The following PLEKHA7 variants were observed in gnomAD, a reference collection of about 807,000 sequenced individuals.
The protein encoded by PLEKHA7 is pleckstrin homology domain-containing family A member 7.
PLEKHA7 carries 104 observed loss-of-function variants against 170.0 expected under a neutral mutation model. The observed-to-expected ratio is 0.61, with a 90% confidence interval of 0.52 to 0.72. The LOEUF (loss-of-function observed/expected upper bound fraction) is 0.72, where lower values mean the gene tolerates loss of function less well. Ranked by LOEUF, PLEKHA7 falls within the 30% of genes least tolerant of loss-of-function variation. The pLI, the probability that PLEKHA7 is intolerant of heterozygous loss-of-function variation, is 0.00. For missense variants in PLEKHA7, 1,615 were observed against 1,671.7 expected (o/e 0.97, Z 0.59); for synonymous variants, 648 against 660.8 (o/e 0.98, Z 0.30).
Position 16,851,221 on chromosome 11 carries a change from C to A in PLEKHA7, c.666G>T (p.Glu222Asp), listed in dbSNP as rs1852920270. 1 of 1,610,942 alleles carries A rather than the reference C, an allele frequency of 6.2e-7. No homozygotes were observed. Among genetic ancestry groups the A allele is most frequent in the Non-Finnish European group, 8.5e-7 (1 of 1,178,512 alleles). ...PSYVISPVAP[E>D]DRISRKYSFK... ...AGGAATATTTGCGGCTTATGCGATC[C>A]TCAGGGGCCACAGGAGAGATCACGT... is the stretch of plus-strand genomic sequence containing the variant. Residue 222 changes from glutamate to aspartate, a missense_variant, in exon 8 of 27, where the codon GAG becomes GAT. Physicochemically the swap from Glu to Asp is conservative, Grantham distance 45. Transcript: ENST00000531066.
intron 4 of PLEKHA7, among the ~76,000 whole-genome samples, chr11:16,856,707 C>T (rs1203743767): frequency 6.6e-6 from 1 of 152,220 alleles, no homozygotes; most frequent in East Asian, 1.9e-4. Flanking sequence ...TTCCACAGAT[C>T]CCCAGCATTT....
intron 3 of PLEKHA7, among the ~76,000 whole-genome samples, chr11:16,880,413 T>A (rs552234008): frequency 6.6e-6 from 1 of 152,358 alleles, no homozygotes; most frequent in East Asian, 1.9e-4. Flanking sequence ...AGAACACTGA[T>A]AACATCCCAG....
intron 3 of PLEKHA7, among the ~76,000 whole-genome samples, chr11:16,885,324 C>G (rs1195053716): frequency 1.4e-5 from 2 of 142,368 alleles, no homozygotes; most frequent in East Asian, 4.0e-4. Flanking sequence ...AGTGAGACTC[C>G]ATCTCAAAAA....
At chr11:16,913,712 A>T (rs576760386) in intron 3 of PLEKHA7, among the ~76,000 whole-genome samples, 65 of 152,240 alleles carry the variant, frequency 4.3e-4, no homozygotes, top group Admixed American at 9.2e-4. Context: ...GCAAACCACA[A>T]GAGGCTGATT....
At chr11:16,823,682 G>A (rs890255367) in intron 10 of PLEKHA7, among the ~76,000 whole-genome samples, 1 of 152,052 alleles carries the variant, frequency 6.6e-6, no homozygotes, top group African/African-American at 2.4e-5. Flanking sequence ...CTCCACCCAT[G>A]TCCAGAACTC....
chr11:16,883,994 T>A (rs921982861), intron 3 of PLEKHA7, among the ~76,000 whole-genome samples: 6 of 143,736 alleles, frequency 4.2e-5, no homozygotes, highest in African/African-American at 1.2e-4. Flanking sequence ...AAATTTTATA[T>A]ATATATCTTT....
rs543657486 is a variant in PLEKHA7 at position 16,789,837 on chromosome 11, T to C, written c.3094A>G (p.Ile1032Val). 9.3e-6 allele frequency: 15 copies of C among 1,614,112 alleles called. No individual in the cohort carries two copies. The highest frequency in any genetic ancestry group is 8.8e-5 in the South Asian group (8 of 91,082). ...CTCCGGAGTGTGACGTAGGGAGCAA[T>C]GGTGGACGACTGCTGGAGCCTTGAC... Reference protein sequence around the residue: ...STSRLQQSSTIAPYVTLRRGL... With the variant: ...STSRLQQSSTVAPYVTLRRGL... Residue 1032 changes from isoleucine (I) to valine (V), a missense_variant, in exon 22 of 27, where the codon ATT becomes GTT. By Grantham distance (29) the Ile-to-Val change is conservative. Coordinates refer to ENST00000531066, the MANE Select transcript of PLEKHA7 (RefSeq NM_001329630.2). The surrounding 1 kb of genome is among the most constrained non-coding windows in gnomAD (Gnocchi z 4.6).
intron 24 of PLEKHA7, among the ~76,000 whole-genome samples, chr11:16,784,157 CT>C (rs1343664656): frequency 6.6e-6 from 1 of 152,220 alleles, no homozygotes; most frequent in Non-Finnish European, 1.5e-5. Context: ...GATCTGACCC[CT>C]GATGACCTCT....
At chr11:16,996,530 G>A (rs1246660179) in intron 3 of PLEKHA7, among the ~76,000 whole-genome samples, 1 of 152,192 alleles carries the variant, frequency 6.6e-6, no homozygotes, top group Non-Finnish European at 1.5e-5. Flanking sequence ...CAGGTACACA[G>A]GGATGGGAGA....
At position 16,798,013 on chromosome 11, in the gene PLEKHA7, C is replaced by G. The variant is rs567646464; in HGVS notation, c.2409+2961G>C. On this transcript the variant is annotated intron_variant, in intron 17 of 26. Transcript: ENST00000531066. ...GGAAATGAGGGGGTGGAGTTTCATT[C>G]CTGCCTCCTCCCACCACACTGGGTA... is the stretch of plus-strand genomic sequence containing the variant. Among the ~76,000 whole-genome samples, 4 of 152,322 alleles carry G rather than the reference C, an allele frequency of 2.6e-5. No homozygotes were observed. In the East Asian group the frequency reaches 7.7e-4, roughly 29 times the overall value.
chr11:16,848,920 G>C (rs7103382), intron 8 of PLEKHA7, among the ~76,000 whole-genome samples: 8,861 of 152,158 alleles, frequency 0.058, 827 homozygotes, highest in African/African-American at 0.2. Flanking sequence ...GTATTCCTTG[G>C]TATGCCCAAG....
At chr11:16,907,410 CA>C in intron 3 of PLEKHA7, among the ~76,000 whole-genome samples, 1 of 130,544 alleles carries the variant, frequency 7.7e-6, no homozygotes, top group African/African-American at 2.9e-5. Flanking sequence ...CCCGCCCGGC[CA>C]GCCGCCCCGT....
rs779811993 is a variant in PLEKHA7, at chr11:16,789,067, G to A, written c.3357+29C>T. 6.3e-7 allele frequency: 1 copy of A among 1,591,490 alleles called. No individual in the cohort carries two copies. On this transcript the variant is annotated intron_variant, in intron 23 of 26. Coordinates refer to ENST00000531066, the MANE Select transcript of PLEKHA7 (RefSeq NM_001329630.2). This position sits in a 1 kb window ranked among gnomAD's most constrained non-coding sequence, Gnocchi z 4.6. ...GAGGGGCACTCGGCTCCCTGTCCCTGCCCCGCTGCCTGGCCCCTCCTAACA... is the reference window on the plus strand; with the variant it reads ...GAGGGGCACTCGGCTCCCTGTCCCTACCCCGCTGCCTGGCCCCTCCTAACA...
At chr11:17,001,657 G>A (rs368067056) in intron 3 of PLEKHA7, among the ~76,000 whole-genome samples, 1 of 151,942 alleles carries the variant, frequency 6.6e-6, no homozygotes, top group Admixed American at 6.6e-5. Flanking sequence ...AGGAAGTCAC[G>A]AGAGGTAGCC....
At chr11:16,798,441 G>A (rs1029904261) in intron 17 of PLEKHA7, among the ~76,000 whole-genome samples, 1 of 151,740 alleles carries the variant, frequency 6.6e-6, no homozygotes, top group East Asian at 1.9e-4. Flanking sequence ...CTGTCACAGT[G>A]TATCTATTTG....
chr11:16,789,221 C>T lies in PLEKHA7; in HGVS notation c.3232G>A (p.Glu1078Lys), dbSNP rs749263365. 1 of 1,613,720 alleles carries T rather than the reference C, an allele frequency of 6.2e-7. No individual in the cohort carries two copies. Among genetic ancestry groups the T allele is most frequent in the South Asian group, 1.1e-5 (1 of 91,080 alleles). Residue 1078 changes from glutamate (E) to lysine (K), a missense_variant, in exon 23 of 27, where the codon GAG becomes AAG. Coordinates refer to ENST00000531066, the MANE Select transcript of PLEKHA7 (RefSeq NM_001329630.2). The surrounding 1 kb of genome is among the most constrained non-coding windows in gnomAD (Gnocchi z 4.6). ...RGKMSAEEQL[E>K]RMKRHQKALV... is the part of the protein sequence containing the mutation. ...GCCTTCTGGTGTCGCTTCATGCGCT[C>T]CAGCTGCTCCTCTGCACTCATCTTG...
At chr11:16,823,584 C>T (rs1466251462) in intron 10 of PLEKHA7, among the ~76,000 whole-genome samples, 1 of 152,208 alleles carries the variant, frequency 6.6e-6, no homozygotes, top group Non-Finnish European at 1.5e-5. Flanking sequence ...CTTTCCTCGC[C>T]AAGCTCATGT....
chr11:16,967,298 T>C (rs911320195), intron 3 of PLEKHA7, among the ~76,000 whole-genome samples: 3 of 152,170 alleles, frequency 2.0e-5, no homozygotes, highest in Non-Finnish European at 4.4e-5. Flanking sequence ...ACCTCTAGGA[T>C]AGCGCAGAAA....
At chr11:16,905,296 T>C (rs538861384) in intron 3 of PLEKHA7, among the ~76,000 whole-genome samples, 51 of 152,264 alleles carry the variant, frequency 3.3e-4, no homozygotes, top group Non-Finnish European at 6.2e-4. Flanking sequence ...TAAATGTTAT[T>C]TCCCCACTCT....
Sources: gnomAD v4.1 joint callset for allele counts (sites outside exome capture counted in the v4.1 genomes callset) on GRCh38, gnomAD v4.1.1 for gene constraint, Gnocchi (gnomAD v3.1) non-coding constraint, MANE v1.5 for transcripts, NCBI Gene and HGNC (gene_info 2026-07-23, HGNC 2026-07-21) for gene names.